The following SLC39A14 variants were observed in gnomAD, a reference collection of about 807,000 sequenced individuals.
SLC39A14 encodes metal cation symporter ZIP14.
A neutral mutation model predicts 45.5 loss-of-function variants in SLC39A14; 19 were observed. The ratio of observed to expected loss-of-function variants is 0.42; its 90% CI spans 0.29 to 0.61. The LOEUF is 0.61. SLC39A14 is among the 20% of genes least tolerant of loss of function. The pLI is 0.22. For synonymous variants in SLC39A14, 264 were observed against 251.3 expected, an observed-to-expected ratio of 1.05 and a Z score of -0.48; for missense variants, 447 against 616.5, an observed-to-expected ratio of 0.73 and a Z score of 2.91.
chr8:22,414,063 G>A (rs1054605854), intron 4 of SLC39A14, among the ~76,000 whole-genome samples: 2 of 151,978 alleles, frequency 1.3e-5, no homozygotes, highest in South Asian at 2.1e-4. Context: ...CACCGTGCCC[G>A]GCCAGGTCAT....
intron 1 of SLC39A14, among the ~76,000 whole-genome samples, chr8:22,374,932 G>C (rs976714816): frequency 1.3e-5 from 2 of 151,966 alleles, no homozygotes; most frequent in African/African-American, 4.8e-5. Context: ...TTTTAGTAGA[G>C]ATGGGGTTCC....
At chr8:22,408,976 A>G (rs1289808206) in intron 3 of SLC39A14, among the ~76,000 whole-genome samples, 1 of 152,044 alleles carries the variant, frequency 6.6e-6, no homozygotes, top group African/African-American at 2.4e-5. Context: ...GTGCACCGCC[A>G]TGCCCAGCTA....
downstream of SLC39A14, among the ~76,000 whole-genome samples, chr8:22,426,634 G>C (rs1471323935): frequency 1.3e-5 from 2 of 151,880 alleles, no homozygotes; most frequent in Non-Finnish European, 2.9e-5. Flanking sequence ...TCTCCCAGAG[G>C]AGGCTCCTGA....
intron 1 of SLC39A14, chr8:22,390,684 C>G (rs35004021): frequency 1.2e-5 from 2 of 160,504 alleles, no homozygotes; most frequent in Non-Finnish European, 2.8e-5. Flanking sequence ...GATGGTGGTT[C>G]CAGCTGAAAG....
intron 5 of SLC39A14, chr8:22,415,195 G>T (rs1008615519): frequency 1.2e-5 from 4 of 345,146 alleles, no homozygotes; most frequent in African/African-American, 4.4e-5. Context: ...ACAGGATGGG[G>T]AGAAGAGCTT....
intron 8 of SLC39A14, among the ~76,000 whole-genome samples, chr8:22,428,876 C>A (rs1836427181): frequency 6.6e-6 from 1 of 152,102 alleles, no homozygotes; most frequent in African/African-American, 2.4e-5. Flanking sequence ...ATGGGAGAAT[C>A]CTTGGAAAAG....
Position 22,420,888 on chromosome 8 carries a change from C to T in SLC39A14, c.*1190C>T, listed in dbSNP as rs1836187488. On this transcript the variant is annotated 3_prime_UTR_variant, in exon 9 of 9. Coordinates refer to ENST00000381237, the MANE Select transcript of SLC39A14 (RefSeq NM_001128431.4). ...GGTTTTAAATGACCCGTCTAGGTTA[C>T]TGCTTCCTTGCAAAAAAAGTCGAAT... 1 of 985,496 alleles carries T rather than the reference C, an allele frequency of 1.0e-6. No individual in the cohort carries two copies. The highest frequency in any genetic ancestry group is 1.2e-6 in the Non-Finnish European group (1 of 829,944). 61.0% of individuals were successfully genotyped at this position (985,496 alleles called of 1,614,324 possible). A position where few individuals can be genotyped will look rare whatever the true frequency, so the allele number is the denominator to read the frequency against.
intron 1 of SLC39A14, chr8:22,398,767 G>A: frequency 1.0e-6 from 1 of 985,322 alleles, no homozygotes; most frequent in African/African-American, 1.7e-5. Context: ...CTTCTAGGCA[G>A]AGCTACTTCT....
At chr8:22,409,856 C>A in intron 3 of SLC39A14, 1 of 1,368,848 alleles carries the variant, frequency 7.3e-7, no homozygotes. Context: ...TGCCCCATCA[C>A]ACCTGAATTC....
intron 4 of SLC39A14, among the ~76,000 whole-genome samples, chr8:22,414,102 A>G (rs1302637422): frequency 1.3e-5 from 2 of 152,002 alleles, no homozygotes; most frequent in Non-Finnish European, 2.9e-5. Flanking sequence ...CCCACCATAA[A>G]TCAGGAGCTT....
intron 1 of SLC39A14, among the ~76,000 whole-genome samples, chr8:22,380,805 T>G (rs1299754793): frequency 6.6e-6 from 1 of 151,820 alleles, no homozygotes; most frequent in Non-Finnish European, 1.5e-5. Context: ...GCCTTCCAAG[T>G]AGCTGGGACT....
At chr8:22,394,009 TG>T (rs1361191053) in intron 1 of SLC39A14, among the ~76,000 whole-genome samples, 7 of 125,026 alleles carry the variant, frequency 5.6e-5, no homozygotes, top group African/African-American at 2.4e-4. Flanking sequence ...TCTGAAGGGG[TG>T]TTTTTTTTTT....
chr8:22,370,366 G>A (rs1350601497), intron 1 of SLC39A14, among the ~76,000 whole-genome samples: 1 of 152,218 alleles, frequency 6.6e-6, no homozygotes, highest in East Asian at 1.9e-4. Flanking sequence ...GATTGTGCGT[G>A]CCTGGGAACC....
intron 1 of SLC39A14, among the ~76,000 whole-genome samples, chr8:22,385,915 A>G (rs966175689): frequency 6.6e-6 from 1 of 152,118 alleles, no homozygotes; most frequent in Admixed American, 6.6e-5. Context: ...GAAGCAAGGA[A>G]AGTGATGTGA....
chr8:22,377,744 T>C (rs1833292585), intron 1 of SLC39A14, among the ~76,000 whole-genome samples: 1 of 152,208 alleles, frequency 6.6e-6, no homozygotes, highest in African/African-American at 2.4e-5. Context: ...ACATGTGGAC[T>C]ATAGATTATT....
In SLC39A14 at chr8:22,384,223, A is replaced by G. The variant is rs77990281; in HGVS notation, c.-16+16815A>G. 2.7e-3 allele frequency among the ~76,000 whole-genome samples: 405 copies of G among 152,144 alleles called. 3 individuals carry two copies. The highest frequency in any genetic ancestry group is 9.4e-3 in the African/African-American group (389 of 41,492). On this transcript the variant is annotated intron_variant, in intron 1 of 8. Coordinates refer to ENST00000381237, the MANE Select transcript of SLC39A14 (RefSeq NM_001128431.4). The stretch of plus-strand genomic sequence containing the variant: ...TCAGGATGTGTGTGATGGCAGGGAA[A>G]CTCAAAATTTCCATGAGCCACTGAG...
downstream of SLC39A14, among the ~76,000 whole-genome samples, chr8:22,427,584 A>G (rs140537778): frequency 7.5e-3 from 1,141 of 152,010 alleles, 8 homozygotes; most frequent in South Asian, 0.029. Flanking sequence ...CATCTTCTCT[A>G]TAACTTCTTG....
chr8:22,416,180 C>T lies in SLC39A14; in HGVS notation c.1047C>T (p.Phe349=). The change falls in exon 7 of 9, where the codon TTC becomes TTT. Residue 349 remains phenylalanine, a synonymous_variant. Coordinates refer to ENST00000381237, the MANE Select transcript of SLC39A14 (RefSeq NM_001128431.4). ...CTCTGAGCGACGGCCTCCATAATTT[C>T]ATCGATGGCCTGGCCATCGGTGCTT... is the stretch of plus-strand genomic sequence containing the variant. ...MITLSDGLHN[F]IDGLAIGASF... is the part of the protein sequence containing the mutation. 1 of 1,614,088 alleles carries T rather than the reference C, an allele frequency of 6.2e-7. No individual in the cohort carries two copies. The highest frequency in any genetic ancestry group is 1.1e-5 in the South Asian group (1 of 91,066).
intron 1 of SLC39A14, among the ~76,000 whole-genome samples, chr8:22,381,297 C>G (rs1833497514): frequency 7.0e-6 from 1 of 142,616 alleles, no homozygotes; most frequent in African/African-American, 2.7e-5. Context: ...CTCCCCGAGA[C>G]AGAGTCTCGC....
Sources: allele counts gnomAD v4.1 joint callset (sites outside exome capture counted in the v4.1 genomes callset), GRCh38; gene constraint gnomAD v4.1.1; transcripts MANE v1.5; gene names NCBI Gene and HGNC (gene_info 2026-07-23, HGNC 2026-07-21).